The following TACC3 variants were observed in gnomAD, a reference collection of about 807,000 sequenced individuals.
TACC3 encodes the protein transforming acidic coiled-coil containing protein 3.
In TACC3, 52 loss-of-function variants were observed where a neutral mutation model predicts 86.0. That is an observed-to-expected ratio of 0.60 (90% CI 0.48 to 0.76). The LOEUF is 0.76. Among genes scored for constraint, TACC3 ranks in the 30% least tolerant of loss-of-function variants. The pLI, the probability that TACC3 is intolerant of heterozygous loss-of-function variation, is 0.00. For missense variants in TACC3, 1,120 were observed against 1,070.4 expected (o/e 1.05, Z -0.65); for synonymous variants, 512 against 430.0 (o/e 1.19, Z -2.36).
Position 1,728,778 on chromosome 4 carries a change from G to A in TACC3, c.1376G>A (p.Cys459Tyr), listed in dbSNP as rs1239819620. 2 of 1,604,364 alleles carry A rather than the reference G, an allele frequency of 1.2e-6. No homozygotes were observed. The highest frequency in any genetic ancestry group is 1.3e-5 in the African/African-American group (1 of 74,804). The change falls in exon 4 of 16, where the codon TGT becomes TAT. Residue 459 changes from cysteine to tyrosine, a missense_variant. Physicochemically the swap from Cys to Tyr is radical, Grantham distance 194 (BLOSUM62 -2). Coordinates refer to ENST00000313288, the MANE Select transcript of TACC3 (RefSeq NM_006342.3). ...AGPATEEPGP[C>Y]LSQQLHSASA... Reference sequence around the variant, plus strand: ...CCTGCCACGGAGGAGCCAGGTCCCTGTCTGAGCCAGTAAGTGTGAGGATGG... The same window carrying A: ...CCTGCCACGGAGGAGCCAGGTCCCTATCTGAGCCAGTAAGTGTGAGGATGG...
rs1718219282 is a variant in TACC3, at chr4:1,735,643, G to A, written c.1645-88G>A. ...GGAGTGTGCGGGTGACCGGGGGTGG[G>A]AGTGTGCAGGTGACCTCCCTGGCCC... On this transcript the variant is annotated intron_variant, in intron 7 of 15. Transcript: ENST00000313288. This position sits in a 1 kb window ranked among gnomAD's most constrained non-coding sequence, Gnocchi z 4.2. 10 of 1,040,700 alleles carry A rather than the reference G, an allele frequency of 9.6e-6. No homozygotes were observed. The highest frequency in any genetic ancestry group is 3.8e-5 in the South Asian group (3 of 79,056). 64.5% of individuals were successfully genotyped at this position (1,040,700 alleles called of 1,614,324 possible). A position where few individuals can be genotyped will look rare whatever the true frequency, so the allele number is the denominator to read the frequency against.
At chr4:1,730,602 C>G (rs1233018501) in intron 4 of TACC3, 2 of 580,910 alleles carry the variant, frequency 3.4e-6, no homozygotes, top group African/African-American at 3.7e-5. Flanking sequence ...GGGATGTACT[C>G]ATCCTTGTGA....
At chr4:1,722,170 C>G (rs116792017) in intron 1 of TACC3, among the ~76,000 whole-genome samples, 2,918 of 152,274 alleles carry the variant, frequency 0.019, 114 homozygotes, top group African/African-American at 0.066. Flanking sequence ...AGCCTGGGGC[C>G]GGTCCCTTCT....
At chr4:1,730,844 A>G (rs1276510436) in intron 4 of TACC3, 43 bp from the exon 5 acceptor site, 1 of 1,473,506 alleles carries the variant, frequency 6.8e-7, no homozygotes, top group African/African-American at 1.4e-5. Flanking sequence ...CGCCGGGGTT[A>G]TGGGGTGGGG....
chr4:1,732,443 A>C (rs1048717515), intron 6 of TACC3, among the ~76,000 whole-genome samples: 4 of 152,154 alleles, frequency 2.6e-5, no homozygotes, highest in African/African-American at 9.7e-5. Flanking sequence ...GCTGCAGTTA[A>C]ATAAATACGG....
Position 1,728,468 on chromosome 4 carries a change from A to T in TACC3, c.1066A>T (p.Arg356Ter). ...CAGCAAAAGGGCACCCCCACCAAGG[A>T]GACTGGGAGAGAGGTCCGGCCTCAA... is the stretch of plus-strand genomic sequence containing the variant. ...ATSKRAPPPR[R>*]LGERSGLKPP... Residue 356 changes from arginine (R) to a stop codon, truncating the protein, a stop_gained, in exon 4 of 16, where the codon AGA (arginine) becomes TGA (stop). Transcript: ENST00000313288. LOFTEE classifies it high-confidence loss of function. 1 of 1,613,898 alleles carries T rather than the reference A, an allele frequency of 6.2e-7. No individual in the cohort carries two copies. Among genetic ancestry groups the T allele is most frequent in the Non-Finnish European group, 8.5e-7 (1 of 1,180,004 alleles).
Position 1,735,838 on chromosome 4 carries a change from T to C in TACC3, c.1748+4T>C, listed in dbSNP as rs763093997. 8.2e-6 allele frequency: 13 copies of C among 1,581,730 alleles called. No homozygotes were observed. In the Admixed American group the frequency reaches 8.6e-5, roughly 10 times the overall value. On this transcript the variant is annotated splice_donor_region_variant and intron_variant, in intron 8 of 15. Transcript: ENST00000313288. This position sits in a 1 kb window ranked among gnomAD's most constrained non-coding sequence, Gnocchi z 4.2. Reference sequence around the variant, plus strand: ...CCGTGGCCACCGAGACCAGCAGGTATGTGCGCCGGCCCTCCCTCATGCATG... The same window carrying C: ...CCGTGGCCACCGAGACCAGCAGGTACGTGCGCCGGCCCTCCCTCATGCATG...
intron 3 of TACC3, 130 bp downstream of exon 3, chr4:1,724,000 G>C (rs1018459452): frequency 4.8e-6 from 5 of 1,046,812 alleles, no homozygotes; most frequent in Middle Eastern, 6.3e-4. Context: ...ATGGAGTCTC[G>C]CTCTGTTGCC....
chr4:1,724,460 G>A (rs1291398832), intron 3 of TACC3, among the ~76,000 whole-genome samples: 5 of 118,352 alleles, frequency 4.2e-5, no homozygotes, highest in East Asian at 2.5e-4. Flanking sequence ...GCTCGATTTC[G>A]GCTCACTGCA....
intron 13 of TACC3, among the ~76,000 whole-genome samples, chr4:1,743,993 C>G (rs879391218): frequency 2.6e-5 from 4 of 152,120 alleles, no homozygotes; most frequent in Non-Finnish European, 5.9e-5. Context: ...GGCAGGTAGG[C>G]TGAGCCTTCC....
intron 6 of TACC3, among the ~76,000 whole-genome samples, chr4:1,732,886 G>A (rs1455856883): frequency 2.0e-5 from 3 of 152,218 alleles, no homozygotes; most frequent in African/African-American, 7.2e-5. Context: ...GTCAGGAGTA[G>A]TGCTGCCTCG....
At position 1,728,400 on chromosome 4, in the gene TACC3, G is replaced by A. The variant is rs1717819834; in HGVS notation, c.998G>A (p.Ser333Asn). 1.2e-6 allele frequency: 2 copies of A among 1,613,168 alleles called. No individual in the cohort carries two copies. Among genetic ancestry groups the A allele is most frequent in the South Asian group, 1.1e-5 (1 of 91,090 alleles). The change falls in exon 4 of 16, where the codon AGC becomes AAC. Residue 333 changes from serine to asparagine, a missense_variant. By Grantham distance (46) the Ser-to-Asn change is conservative (BLOSUM62 1). Transcript: ENST00000313288. ...GGCCAAATGGCCAGCTCCTCGAGGA[G>A]CGGACCTGTAAAACTAGAATTTGAT... ...AAGQMASSSR[S>N]GPVKLEFDVS...
In TACC3 at chr4:1,745,020, CG is replaced by C; in HGVS notation, c.*9del. ...CAAGATGGAGAAGATCTGACCTCCA[CG>C]GAGCCGCTGTCCCCGCCCCCCTGCT... On this transcript the variant is annotated 3_prime_UTR_variant, in exon 16 of 16. Transcript: ENST00000313288. 6.2e-7 allele frequency: 1 copy of C among 1,602,008 alleles called. No individual in the cohort carries two copies. The highest frequency in any genetic ancestry group is 1.7e-5 in the Admixed American group (1 of 58,398).
chr4:1,739,400 T>C lies in TACC3; in HGVS notation c.1942-302T>C, dbSNP rs1718451063. On this transcript the variant is annotated intron_variant, in intron 10 of 15. Transcript: ENST00000313288. ...TATATTTAACACTTAGGACCCCTAG[T>C]ATCTGCCACTGGGCTGCGGGGGCAG... is the stretch of plus-strand genomic sequence containing the variant. 8 of 485,822 alleles carry C rather than the reference T, an allele frequency of 1.6e-5. No homozygotes were observed. In the Admixed American group the frequency reaches 2.5e-4, roughly 15 times the overall value. The allele number at this position is 485,822 out of a possible 1,614,324, so 30.1% of individuals were successfully genotyped here.
intron 3 of TACC3, among the ~76,000 whole-genome samples, chr4:1,724,153 TA>T (rs1366264704): frequency 6.6e-6 from 1 of 150,922 alleles, no homozygotes; most frequent in African/African-American, 2.4e-5. Context: ...GTATTTTTAG[TA>T]AAGAAGGGGT....
At chr4:1,738,051 C>G (rs1280005949) in intron 10 of TACC3, 1 of 379,870 alleles carries the variant, frequency 2.6e-6, no homozygotes, top group African/African-American at 2.1e-5. Context: ...TCCCACGAGT[C>G]CAGACGCATC....
chr4:1,732,336 G>A (rs1216533164), intron 6 of TACC3, among the ~76,000 whole-genome samples: 1 of 148,630 alleles, frequency 6.7e-6, no homozygotes, highest in African/African-American at 2.5e-5. Flanking sequence ...AGTTGAATAC[G>A]GTTTGTCCGT....
In TACC3 at chr4:1,723,567, T is replaced by G; in HGVS notation, c.146T>G (p.Leu49Arg). The G allele has an allele frequency of 6.2e-7, 1 of 1,613,328 alleles. No homozygotes were observed. Among genetic ancestry groups the G allele is most frequent in the Non-Finnish European group, 8.5e-7 (1 of 1,179,716 alleles). Residue 49 changes from leucine (L) to arginine (R), a missense_variant, in exon 2 of 16, where the codon CTG (leucine) becomes CGG (arginine). Physicochemically the swap from Leu to Arg is moderately radical, Grantham distance 102. Coordinates refer to ENST00000313288, the MANE Select transcript of TACC3 (RefSeq NM_006342.3). ...AAAGAAAATGTGCCACCCAAGAACC[T>G]GGCCAAAGCTATGAAGGTAAGTGTG... is the stretch of plus-strand genomic sequence containing the variant. ...SQKENVPPKN[L>R]AKAMKVTFQT...
chr4:1,724,881 C>T (rs1717608748), intron 3 of TACC3, among the ~76,000 whole-genome samples: 2 of 151,984 alleles, frequency 1.3e-5, no homozygotes, highest in East Asian at 3.9e-4. Context: ...CCACCTTGGC[C>T]TCCTTAGTAG....
Sources: allele counts gnomAD v4.1 joint callset (sites outside exome capture counted in the v4.1 genomes callset), GRCh38; gene constraint gnomAD v4.1.1; non-coding constraint Gnocchi (gnomAD v3.1); transcripts MANE v1.5; gene names NCBI Gene and HGNC (gene_info 2026-07-23, HGNC 2026-07-21).